Variants in OSBPL6 observed in about 807,000 individuals in gnomAD.
OSBPL6 encodes the protein oxysterol binding protein like 6.
In OSBPL6, 49 loss-of-function variants were observed where a neutral mutation model predicts 125.8. That is an observed-to-expected ratio of 0.39 (90% CI 0.31 to 0.49). OSBPL6 has a LOEUF of 0.49. Among genes scored for constraint, OSBPL6 ranks in the 20% least tolerant of loss-of-function variants. The pLI, the probability that OSBPL6 is intolerant of heterozygous loss-of-function variation, is 0.88. For synonymous variants in OSBPL6, 394 were observed against 391.8 expected (o/e 1.01, Z -0.07); for missense variants, 986 against 1,135.4 (o/e 0.87, Z 1.89).
chr2:178,383,927 A>C, intron 17 of OSBPL6, 112 bp from the exon 18 acceptor site: 2 of 1,245,726 alleles, frequency 1.6e-6, no homozygotes, highest in African/African-American at 3.0e-5. Flanking sequence ...TGCAACTGTC[A>C]TCAAATCAAC....
chr2:178,363,270 G>A (rs1289163881), intron 13 of OSBPL6, among the ~76,000 whole-genome samples: 2 of 152,056 alleles, frequency 1.3e-5, no homozygotes, highest in African/African-American at 2.4e-5. Flanking sequence ...ATCTCGGGTC[G>A]GGCTTCAGGT....
chr2:178,324,546 T>A (rs1400852297), intron 4 of OSBPL6, among the ~76,000 whole-genome samples: 5 of 152,220 alleles, frequency 3.3e-5, no homozygotes, highest in African/African-American at 1.2e-4. Flanking sequence ...GCCTTCCCTG[T>A]TGGAGATAAA....
intron 12 of OSBPL6, among the ~76,000 whole-genome samples, chr2:178,358,547 T>G (rs1335724388): frequency 1.3e-5 from 2 of 152,088 alleles, no homozygotes; most frequent in Non-Finnish European, 2.9e-5. Context: ...GATTTCCACA[T>G]GTAAAAGAAT....
chr2:178,272,785 G>C (rs957945085), intron 1 of OSBPL6, among the ~76,000 whole-genome samples: 16 of 152,196 alleles, frequency 1.1e-4, no homozygotes, highest in Admixed American at 3.3e-4. Flanking sequence ...CATCCTTCTT[G>C]CATACTGTAG....
intron 1 of OSBPL6, among the ~76,000 whole-genome samples, chr2:178,283,105 A>G (rs1684371476): frequency 6.6e-6 from 1 of 152,240 alleles, no homozygotes; most frequent in Non-Finnish European, 1.5e-5. Context: ...CTTAGTATTC[A>G]AGGTCATCAT....
At chr2:178,212,276 G>T (rs1014189376) in intron 1 of OSBPL6, among the ~76,000 whole-genome samples, 1 of 152,170 alleles carries the variant, frequency 6.6e-6, no homozygotes, top group African/African-American at 2.4e-5. Flanking sequence ...ATTTAAATAT[G>T]TCCTTTCCTG....
At chr2:178,330,974 A>G (rs1689149533) in intron 5 of OSBPL6, among the ~76,000 whole-genome samples, 1 of 152,196 alleles carries the variant, frequency 6.6e-6, no homozygotes, top group Admixed American at 6.5e-5. Flanking sequence ...AATAATTTTC[A>G]ACCTCTTTGA....
At chr2:178,321,810 G>C (rs1193257887) in intron 3 of OSBPL6, among the ~76,000 whole-genome samples, 7 of 152,086 alleles carry the variant, frequency 4.6e-5, no homozygotes, top group Non-Finnish European at 1.0e-4. Context: ...ATGATTCTCT[G>C]GGCTTTGACA....
chr2:178,388,748 C>T (rs1695158900), intron 20 of OSBPL6, among the ~76,000 whole-genome samples: 1 of 152,208 alleles, frequency 6.6e-6, no homozygotes, highest in South Asian at 2.1e-4. Flanking sequence ...CCCTCCCATA[C>T]TTCTGTCTCC....
At chr2:178,232,321 G>A (rs946489517) in intron 1 of OSBPL6, among the ~76,000 whole-genome samples, 2 of 151,804 alleles carry the variant, frequency 1.3e-5, no homozygotes, top group African/African-American at 4.8e-5. Flanking sequence ...TTTCTCATGA[G>A]TACCTTGACT....
chr2:178,339,679 G>C lies in OSBPL6; in HGVS notation c.902G>C (p.Cys301Ser), dbSNP rs1167070681. ...APNFTDMQAN[C>S]VDISKKDKRV... ...ACTATTTGTGTAATGTAGGCTAACT[G>C]TGTAGATATTTCAAAGAAAGACAAG... The change falls in exon 11 of 25, where the codon TGT (cysteine) becomes TCT (serine). Residue 301 changes from cysteine to serine, a missense_variant. Around this residue, in one of 3 missense-constraint regions of OSBPL6, gnomAD observed 843 missense variants for 997.3 expected, o/e 0.85. Coordinates refer to ENST00000190611, the MANE Select transcript of OSBPL6 (RefSeq NM_032523.4). 6.2e-7 allele frequency: 1 copy of C among 1,603,716 alleles called. No homozygotes were observed. The highest frequency in any genetic ancestry group is 8.5e-7 in the Non-Finnish European group (1 of 1,175,788).
intron 3 of OSBPL6, among the ~76,000 whole-genome samples, chr2:178,312,286 C>T (rs554808918): frequency 4.0e-5 from 6 of 150,888 alleles, no homozygotes; most frequent in South Asian, 2.1e-4. Context: ...CTCAGCCTTC[C>T]GAGTAGCTGG....
At chr2:178,284,340 G>A (rs879821542) in intron 1 of OSBPL6, among the ~76,000 whole-genome samples, 3 of 152,094 alleles carry the variant, frequency 2.0e-5, no homozygotes, top group African/African-American at 7.2e-5. Context: ...ATCATCCAAG[G>A]TCAGGAGTTC....
chr2:178,382,555 G>T, intron 16 of OSBPL6, 48 bp downstream of exon 16: 1 of 1,611,690 alleles, frequency 6.2e-7, no homozygotes, highest in South Asian at 1.1e-5. Flanking sequence ...ATGCCAAATT[G>T]CAACACGAAG....
intron 12 of OSBPL6, among the ~76,000 whole-genome samples, chr2:178,355,513 A>G (rs1691700837): frequency 6.6e-6 from 1 of 152,250 alleles, no homozygotes; most frequent in South Asian, 2.1e-4. Flanking sequence ...TCCTGGATGC[A>G]TACATCCTCC....
chr2:178,242,659 G>A (rs1054379444), intron 1 of OSBPL6, among the ~76,000 whole-genome samples: 1 of 152,166 alleles, frequency 6.6e-6, no homozygotes, highest in African/African-American at 2.4e-5. Flanking sequence ...TGAATTAAGA[G>A]TCCCTTATAA....
chr2:178,264,003 T>C (rs1436602791), intron 1 of OSBPL6, among the ~76,000 whole-genome samples: 1 of 152,162 alleles, frequency 6.6e-6, no homozygotes, highest in South Asian at 2.1e-4. Flanking sequence ...CATGTTAACA[T>C]GAAGCTCAGG....
At chr2:178,235,398 CTTTTTTTTTTTTTTT>C (rs540269327) in intron 1 of OSBPL6, among the ~76,000 whole-genome samples, 3 of 78,042 alleles carry the variant, frequency 3.8e-5, no homozygotes, top group African/African-American at 1.4e-4. Context: ...CTTTTCTTTT[CTTTTTTTTTTTTTTT>C]TTTTTTTTTT....
At chr2:178,320,189 C>T (rs1468201781) in intron 3 of OSBPL6, 5 of 1,420,876 alleles carry the variant, frequency 3.5e-6, no homozygotes, top group African/African-American at 2.9e-5. Flanking sequence ...CATTGTCTGT[C>T]TGTTTACCTA....
Sources: gnomAD v4.1 joint callset for allele counts (sites outside exome capture counted in the v4.1 genomes callset) on GRCh38, gnomAD v4.1.1 for gene constraint, gnomAD v4.1.1 regional missense constraint, MANE v1.5 for transcripts, NCBI Gene and HGNC (gene_info 2026-07-23, HGNC 2026-07-21) for gene names.